Variants in PARM1 observed in about 807,000 individuals in gnomAD.
PARM1 encodes the protein WSC4, cell wall integrity and stress response component 4 homolog.
A neutral mutation model predicts 24.6 loss-of-function variants in PARM1; 14 were observed. The ratio of observed to expected loss-of-function variants is 0.57; its 90% CI spans 0.38 to 0.89. PARM1 has a LOEUF of 0.89. PARM1 is among the 40% of genes least tolerant of loss of function. PARM1 has a pLI of 0.00. For synonymous variants in PARM1, 179 were observed against 156.6 expected, an observed-to-expected ratio of 1.14 and a Z score of -1.07; for missense variants, 362 against 380.4, an observed-to-expected ratio of 0.95 and a Z score of 0.40.
At chr4:74,946,662 C>A (rs1049544272) in intron 1 of PARM1, among the ~76,000 whole-genome samples, 7 of 152,130 alleles carry the variant, frequency 4.6e-5, no homozygotes, top group Non-Finnish European at 1.0e-4. Context: ...TACTAGGATC[C>A]CATCAAAAGG....
chr4:75,007,772 TG>T (rs1722799648), intron 1 of PARM1, among the ~76,000 whole-genome samples: 1 of 152,240 alleles, frequency 6.6e-6, no homozygotes, highest in South Asian at 2.1e-4. Flanking sequence ...ATCATGTGGG[TG>T]GGGCCCTTAT....
chr4:75,035,061 T>C (rs1029138717), intron 3 of PARM1, among the ~76,000 whole-genome samples: 1 of 152,162 alleles, frequency 6.6e-6, no homozygotes, highest in Non-Finnish European at 1.5e-5. Context: ...CCCTGCAATC[T>C]TGCTACTTCC....
chr4:75,003,147 CTCTT>C (rs1722712304), intron 1 of PARM1, among the ~76,000 whole-genome samples: 1 of 152,148 alleles, frequency 6.6e-6, no homozygotes, highest in Non-Finnish European at 1.5e-5. Context: ...TGCATTGTCT[CTCTT>C]TCTCTCCATG....
At position 75,012,678 on chromosome 4, in the gene PARM1, C is replaced by A. The variant is rs532201947; in HGVS notation, c.297C>A (p.Gly99=). The A allele has an allele frequency of 1.9e-6, 3 of 1,613,884 alleles. No homozygotes were observed. The African/African-American group carries it at 4.0e-5, about 22-fold the overall frequency. Reference sequence around the variant, plus strand: ...CCAGCCCAGGTTCGAATTGGGAAGGCACAAACACAGACCCCTCACCTTCTG... The same window carrying A: ...CCAGCCCAGGTTCGAATTGGGAAGGAACAAACACAGACCCCTCACCTTCTG... ...EITSPGSNWE[G]TNTDPSPSGF... Residue 99 remains glycine, a synonymous_variant, in exon 2 of 4, where the codon GGC becomes GGA. Coordinates refer to ENST00000307428, the MANE Select transcript of PARM1 (RefSeq NM_015393.4).
rs1052310811 is a variant in PARM1, at chr4:75,019,757, A to G, written c.769+6607A>G. Among the ~76,000 whole-genome samples the G allele has an allele frequency of 4.0e-5, 6 of 151,674 alleles. No homozygotes were observed. The East Asian group carries it at 1.2e-3, about 29-fold the overall frequency. On this transcript the variant is annotated intron_variant, in intron 2 of 3. Coordinates refer to ENST00000307428, the MANE Select transcript of PARM1 (RefSeq NM_015393.4). The stretch of plus-strand genomic sequence containing the variant: ...GGTGGCTCACGCCTGTAATCCCAGC[A>G]CTTTGGGAGGCCGAGGCGGGTGGAT...
intron 1 of PARM1, among the ~76,000 whole-genome samples, chr4:74,979,161 C>CG (rs994163642): frequency 5.3e-5 from 8 of 151,070 alleles, no homozygotes; most frequent in Admixed American, 1.3e-4. Flanking sequence ...AAAAAACCTT[C>CG]GAAAAAATCA....
At chr4:75,034,109 A>G (rs1479839922) in intron 3 of PARM1, 148 bp downstream of exon 3, 1 of 639,550 alleles carries the variant, frequency 1.6e-6, no homozygotes. Flanking sequence ...GTGTACTCCT[A>G]CACCACACAA....
chr4:74,967,000 CTTGAAATATA>C (rs895013595), intron 1 of PARM1: 3 of 152,180 alleles, frequency 2.0e-5, no homozygotes, highest in African/African-American at 7.2e-5. Flanking sequence ...AGCCAAAGCC[CTTGAAATATA>C]TTGACCTTTC....
chr4:74,933,430 G>A (rs1272051964), intron 1 of PARM1, 60 bp downstream of exon 1: 1 of 1,482,070 alleles, frequency 6.7e-7, no homozygotes, highest in Non-Finnish European at 9.4e-7. Flanking sequence ...TAGCTAGCGC[G>A]TGGTCGGGGC....
chr4:74,936,493 T>G (rs1721191159), intron 1 of PARM1, among the ~76,000 whole-genome samples: 1 of 150,004 alleles, frequency 6.7e-6, no homozygotes, highest in Non-Finnish European at 1.5e-5. Flanking sequence ...TCTCTCTGTC[T>G]CCCAGGCTGG....
intron 1 of PARM1, among the ~76,000 whole-genome samples, chr4:74,996,174 C>T (rs1212903904): frequency 6.6e-6 from 1 of 152,096 alleles, no homozygotes; most frequent in Non-Finnish European, 1.5e-5. Context: ...AGGCCTGCCC[C>T]CCAATGTCCT....
Position 75,012,860 on chromosome 4 carries a change from C to G in PARM1, c.479C>G (p.Ser160Cys). The stretch of plus-strand genomic sequence containing the variant: ...CAAGCTCCAGCCTCATCACCCTCAT[C>G]CCTATCAACCTCACCACCTGAGGTC... Reference protein sequence around the residue: ...SPQAPASSPSSLSTSPPEVFS... With the variant: ...SPQAPASSPSCLSTSPPEVFS... The change falls in exon 2 of 4, where the codon TCC becomes TGC. Residue 160 changes from serine (S) to cysteine (C), a missense_variant. Transcript: ENST00000307428. The G allele has an allele frequency of 1.9e-6, 3 of 1,613,982 alleles. No individual in the cohort carries two copies. In the South Asian group the frequency reaches 3.3e-5, roughly 18 times the overall value.
In PARM1 at chr4:74,933,433, G is replaced by A; in HGVS notation, c.43+63G>A. ...GGTGGGCCCCAGTAGCTAGCGCGTG[G>A]TCGGGGCTGAAGCTAGGAGATCCGG... On this transcript the variant is annotated intron_variant, in intron 1 of 3. Coordinates refer to ENST00000307428, the MANE Select transcript of PARM1 (RefSeq NM_015393.4). 2.1e-6 allele frequency: 3 copies of A among 1,457,554 alleles called. No individual in the cohort carries two copies. In the Admixed American group the frequency reaches 5.1e-5, roughly 25 times the overall value. 90.3% of individuals were successfully genotyped at this position (1,457,554 alleles called of 1,614,324 possible).
At chr4:74,934,309 G>A (rs932506199) in intron 1 of PARM1, among the ~76,000 whole-genome samples, 2 of 152,184 alleles carry the variant, frequency 1.3e-5, no homozygotes, top group Admixed American at 1.3e-4. Context: ...GCCCGACTGC[G>A]CGGCCACTGG....
At chr4:75,005,373 T>C (rs1416468249) in intron 1 of PARM1, among the ~76,000 whole-genome samples, 1 of 152,130 alleles carries the variant, frequency 6.6e-6, no homozygotes, top group Non-Finnish European at 1.5e-5. Flanking sequence ...AAAAAAAGAA[T>C]AGGTGAGCAA....
intron 1 of PARM1, among the ~76,000 whole-genome samples, chr4:74,960,499 C>T (rs1292964754): frequency 6.6e-6 from 1 of 151,916 alleles, no homozygotes; most frequent in East Asian, 1.9e-4. Context: ...ACACAGCCTA[C>T]AGCAATTAAA....
At chr4:75,032,200 G>T (rs1386655670) in intron 2 of PARM1, among the ~76,000 whole-genome samples, 3 of 152,192 alleles carry the variant, frequency 2.0e-5, no homozygotes, top group African/African-American at 7.2e-5. Flanking sequence ...GCTCTGAAAC[G>T]GTTGAATATG....
chr4:75,032,011 G>A (rs1352444169), intron 2 of PARM1, among the ~76,000 whole-genome samples: 4 of 152,126 alleles, frequency 2.6e-5, no homozygotes, highest in African/African-American at 9.7e-5. Flanking sequence ...TTCCATAAGG[G>A]GAACTGACCT....
rs186377743 is a variant in PARM1 at position 74,942,865 on chromosome 4, G to A, written c.43+9495G>A. Among the ~76,000 whole-genome samples the A allele has an allele frequency of 3.9e-5, 6 of 152,136 alleles. No homozygotes were observed. The East Asian group carries it at 1.2e-3, about 29-fold the overall frequency. On this transcript the variant is annotated intron_variant, in intron 1 of 3. Coordinates refer to ENST00000307428, the MANE Select transcript of PARM1 (RefSeq NM_015393.4). ...CTGCTCTGTTCAGAGCCCTGTAATG[G>A]CTCCTCTTTGTTCTTAGAGTAAAAG...
Sources: gnomAD v4.1 joint callset for allele counts (sites outside exome capture counted in the v4.1 genomes callset) on GRCh38, gnomAD v4.1.1 for gene constraint, MANE v1.5 for transcripts, NCBI Gene and HGNC (gene_info 2026-07-23, HGNC 2026-07-21) for gene names.